OXCT1: variants seen among roughly 807,000 people sequenced by gnomAD.
The protein encoded by OXCT1 is succinyl-CoA:3-ketoacid coenzyme A transferase 1, mitochondrial.
OXCT1 carries 27 observed loss-of-function variants against 69.6 expected under a neutral mutation model. That is an observed-to-expected ratio of 0.39 (90% CI 0.29 to 0.54). The LOEUF is 0.54. Ranked by LOEUF, OXCT1 falls within the 20% of genes least tolerant of loss-of-function variation. OXCT1 has a pLI of 0.72. For synonymous variants in OXCT1, 202 were observed against 217.8 expected (o/e 0.93, Z 0.64); for missense variants, 437 against 650.2 (o/e 0.67, Z 3.57).
At chr5:41,784,147 T>A (rs1044298392) in intron 13 of OXCT1, among the ~76,000 whole-genome samples, 2 of 152,264 alleles carry the variant, frequency 1.3e-5, no homozygotes, top group African/African-American at 4.8e-5. Flanking sequence ...CTTCAGTGTT[T>A]CCCATTTAAC....
chr5:41,809,084 T>TAC (rs10653559), intron 7 of OXCT1, among the ~76,000 whole-genome samples: 1 of 151,784 alleles, frequency 6.6e-6, no homozygotes, highest in Non-Finnish European at 1.5e-5. Context: ...TATTTAATGA[T>TAC]CTCATAATTT....
chr5:41,814,371 T>C (rs955682614), intron 7 of OXCT1, among the ~76,000 whole-genome samples: 1 of 152,060 alleles, frequency 6.6e-6, no homozygotes, highest in African/African-American at 2.4e-5. Context: ...GCACAAAGAC[T>C]ATTAAACATG....
At position 41,839,070 on chromosome 5, in the gene OXCT1, C is replaced by T. The variant is rs540811936; in HGVS notation, c.732+1381G>A. Among the ~76,000 whole-genome samples the T allele has an allele frequency of 2.0e-5, 3 of 152,246 alleles. No individual in the cohort carries two copies. The East Asian group carries it at 5.8e-4, about 29-fold the overall frequency. On this transcript the variant is annotated intron_variant, in intron 7 of 16. Transcript: ENST00000196371. ...CATCAGAGATGTCTGTTCCGGGACA[C>T]AGGAGGGAAGCCTTTATTACATTTG...
intron 7 of OXCT1, among the ~76,000 whole-genome samples, chr5:41,834,162 A>G (rs1014604226): frequency 6.6e-6 from 1 of 152,252 alleles, no homozygotes; most frequent in East Asian, 1.9e-4. Flanking sequence ...CTACAGATTC[A>G]TAAAAAATAA....
chr5:41,747,880 CTA>C (rs1743573602), intron 15 of OXCT1, among the ~76,000 whole-genome samples: 1 of 152,058 alleles, frequency 6.6e-6, no homozygotes, highest in South Asian at 2.1e-4. Flanking sequence ...CAGCTTTTCT[CTA>C]TGTCCCTAGA....
At chr5:41,809,590 G>A (rs1387726563) in intron 7 of OXCT1, among the ~76,000 whole-genome samples, 1 of 151,968 alleles carries the variant, frequency 6.6e-6, no homozygotes, top group Non-Finnish European at 1.5e-5. Context: ...TGTGACAGCA[G>A]CTTCCTTTGG....
At chr5:41,841,898 A>C (rs889143648) in intron 6 of OXCT1, among the ~76,000 whole-genome samples, 2 of 152,212 alleles carry the variant, frequency 1.3e-5, no homozygotes, top group African/African-American at 4.8e-5. Context: ...TGAGAACTTA[A>C]CTGTAATTGC....
At chr5:41,802,961 T>G in intron 10 of OXCT1, 108 bp downstream of exon 10, 1 of 782,986 alleles carries the variant, frequency 1.3e-6, no homozygotes, top group South Asian at 1.5e-5. Flanking sequence ...AAAAATCACT[T>G]GCACCCTAAA....
intron 15 of OXCT1, among the ~76,000 whole-genome samples, chr5:41,740,494 C>T (rs1743108731): frequency 6.6e-6 from 1 of 152,196 alleles, no homozygotes; most frequent in Non-Finnish European, 1.5e-5. Context: ...TGGTCTGTAA[C>T]ATCAGGTGTT....
intron 13 of OXCT1, among the ~76,000 whole-genome samples, chr5:41,764,942 C>A (rs949025581): frequency 5.9e-5 from 9 of 152,170 alleles, no homozygotes; most frequent in African/African-American, 2.2e-4. Context: ...CTTCAAATAT[C>A]TGGTTTTTCT....
chr5:41,820,773 T>A (rs953836856), intron 7 of OXCT1, among the ~76,000 whole-genome samples: 3 of 152,104 alleles, frequency 2.0e-5, no homozygotes, highest in African/African-American at 7.2e-5. Context: ...GACCTGTCAA[T>A]CAAGATGGCA....
chr5:41,869,379 T>TC (rs1172694203), intron 1 of OXCT1, among the ~76,000 whole-genome samples: 1 of 152,182 alleles, frequency 6.6e-6, no homozygotes, highest in African/African-American at 2.4e-5. Context: ...AAAGCCACCC[T>TC]CCTGGACCTG....
At chr5:41,774,953 A>G (rs1745052321) in intron 13 of OXCT1, among the ~76,000 whole-genome samples, 2 of 152,204 alleles carry the variant, frequency 1.3e-5, no homozygotes, top group African/African-American at 4.8e-5. Context: ...GTATTGTATT[A>G]CAACCAAAAT....
intron 3 of OXCT1, among the ~76,000 whole-genome samples, chr5:41,855,945 C>G (rs1242573596): frequency 6.6e-6 from 1 of 152,050 alleles, no homozygotes; most frequent in Non-Finnish European, 1.5e-5. Flanking sequence ...GAAAAACAGA[C>G]AGATAGACAG....
At chr5:41,864,679 A>G (rs1012343182) in intron 1 of OXCT1, among the ~76,000 whole-genome samples, 2 of 152,294 alleles carry the variant, frequency 1.3e-5, no homozygotes, top group East Asian at 3.9e-4. Flanking sequence ...TACTTTACCC[A>G]AAACTGTATT....
intron 7 of OXCT1, among the ~76,000 whole-genome samples, chr5:41,832,333 C>CAGAGAGAG (rs148562121): frequency 2.4e-3 from 355 of 147,114 alleles, no homozygotes; most frequent in African/African-American, 6.5e-3. Flanking sequence ...CGGTTCAGCA[C>CAGAGAGAG]AGAGAGAGAG....
chr5:41,813,319 T>C (rs1440093740), intron 7 of OXCT1, among the ~76,000 whole-genome samples: 4 of 152,130 alleles, frequency 2.6e-5, no homozygotes, highest in African/African-American at 4.8e-5. Flanking sequence ...GAACCATAAG[T>C]ATATGGTGGC....
At chr5:41,867,034 GT>G (rs926648260) in intron 1 of OXCT1, among the ~76,000 whole-genome samples, 4 of 152,186 alleles carry the variant, frequency 2.6e-5, no homozygotes, top group Non-Finnish European at 5.9e-5. Context: ...GAGGCAGTTT[GT>G]AAAAAGCCTT....
At chr5:41,869,909 G>T (rs1750201671) in intron 1 of OXCT1, 3 of 341,272 alleles carry the variant, frequency 8.8e-6, no homozygotes, top group Non-Finnish European at 1.1e-5. Flanking sequence ...ATATACTGGC[G>T]CCCTCCTCCC....
Sources: gnomAD v4.1 joint callset for allele counts (sites outside exome capture counted in the v4.1 genomes callset) on GRCh38, gnomAD v4.1.1 for gene constraint, MANE v1.5 for transcripts, NCBI Gene and HGNC (gene_info 2026-07-23, HGNC 2026-07-21) for gene names.